The following GFPT1 variants were observed in gnomAD, a reference collection of about 807,000 sequenced individuals.
The protein encoded by GFPT1 is glutamine--fructose-6-phosphate aminotransferase [isomerizing] 1.
GFPT1 carries 40 observed loss-of-function variants against 92.0 expected under a neutral mutation model. The observed-to-expected ratio is 0.43, with a 90% confidence interval of 0.34 to 0.57. GFPT1 has a LOEUF of 0.57. Ranked by LOEUF, GFPT1 falls within the 20% of genes least tolerant of loss-of-function variation. The probability of loss-of-function intolerance (pLI) is 0.02; values close to 1 mark genes in which losing one functional copy is unlikely to be tolerated. For missense variants in GFPT1, 448 were observed against 869.1 expected, an observed-to-expected ratio of 0.52 and a Z score of 6.09; for synonymous variants, 269 against 280.6, an observed-to-expected ratio of 0.96 and a Z score of 0.41.
intron 1 of GFPT1, among the ~76,000 whole-genome samples, chr2:69,383,276 C>G (rs1252883128): frequency 6.6e-6 from 1 of 152,228 alleles, no homozygotes; most frequent in Non-Finnish European, 1.5e-5. Flanking sequence ...AGCAGAATTT[C>G]CCAAACTTGT....
At chr2:69,346,414 A>G (rs1200743658) in intron 11 of GFPT1, among the ~76,000 whole-genome samples, 2 of 151,832 alleles carry the variant, frequency 1.3e-5, no homozygotes, top group Admixed American at 1.3e-4. Context: ...AATTTTTTGT[A>G]TTTTTAGTAG....
intron 2 of GFPT1, 58 bp downstream of exon 2, chr2:69,373,948 T>C: frequency 2.4e-6 from 2 of 836,646 alleles, no homozygotes; most frequent in Non-Finnish European, 2.1e-6. Flanking sequence ...CTAATAACAA[T>C]AAAAATAGTA....
At chr2:69,356,711 C>G (rs772708910) in intron 6 of GFPT1, among the ~76,000 whole-genome samples, 154 bp from the exon 7 acceptor site, 5 of 151,332 alleles carry the variant, frequency 3.3e-5, no homozygotes, top group Non-Finnish European at 5.9e-5. Context: ...TAAACACTTA[C>G]TCCTAAGCTT....
rs58791355 is a variant in GFPT1, at chr2:69,358,154, G to C, written c.543+175C>G. Among the ~76,000 whole-genome samples the C allele has an allele frequency of 6.1e-3, 919 of 149,904 alleles. 11 individuals carry two copies. Among genetic ancestry groups the C allele is most frequent in the African/African-American group, 0.02 (822 of 41,292 alleles). ...GTAAGTAGAATTTTAAATGGAGGGT[G>C]GGGGGGAATCAATAAATCAATCAGT... On this transcript the variant is annotated intron_variant, in intron 6 of 19. Coordinates refer to ENST00000357308, the MANE Select transcript of GFPT1 (RefSeq NM_001244710.2).
chr2:69,326,898 G>A lies in GFPT1; in HGVS notation c.2055+16C>T. 6.2e-7 allele frequency: 1 copy of A among 1,613,228 alleles called. No homozygotes were observed. The stretch of plus-strand genomic sequence containing the variant: ...AAAAAACCATCCCAAGATTTCTGCA[G>A]TGGTAGATGACTTACATCATAGCCT... On this transcript the variant is annotated intron_variant, in intron 19 of 19. Coordinates refer to ENST00000357308, the MANE Select transcript of GFPT1 (RefSeq NM_001244710.2).
rs1670858178 is a variant in GFPT1 at position 69,338,523 on chromosome 2, C to T, written c.1246G>A (p.Val416Met). The T allele has an allele frequency of 6.2e-7, 1 of 1,613,218 alleles. No homozygotes were observed. The highest frequency in any genetic ancestry group is 8.5e-7 in the Non-Finnish European group (1 of 1,179,192). ...LEELTELPVM[V>M]ELASDFLDRN... ...TCCAGGAAGTCACTTGCTAGTTCCA[C>T]CATCACAGGCAACTCAGTCAGCTCC... The change falls in exon 14 of 20, where the codon GTG becomes ATG. Residue 416 changes from valine to methionine, a missense_variant. Around this residue, in one of 7 missense-constraint regions of GFPT1, gnomAD observed 121 missense variants for 304.3 expected, o/e 0.40. Transcript: ENST00000357308.
In GFPT1 at chr2:69,374,370, G is replaced by A. The variant is rs10203394; in HGVS notation, c.8-257C>T. Among the ~76,000 whole-genome samples, 57,714 of 150,598 alleles carry A rather than the reference G, an allele frequency of 0.38. 11,349 individuals carry two copies. The highest frequency in any genetic ancestry group is 0.44 in the Middle Eastern group (130 of 294). On this transcript the variant is annotated intron_variant, in intron 1 of 19. Transcript: ENST00000357308. Reference sequence around the variant, plus strand: ...ACTCTGTCACGCAGGATGGAGTCCAGCAGCACGATCTCGGCTCACGGCAAG... The same window carrying A: ...ACTCTGTCACGCAGGATGGAGTCCAACAGCACGATCTCGGCTCACGGCAAG...
chr2:69,371,521 A>C (rs1269005354), intron 2 of GFPT1: 2 of 152,080 alleles, frequency 1.3e-5, no homozygotes, highest in Non-Finnish European at 1.5e-5. Context: ...ACATACTCTC[A>C]CACAAAAAAA....
At chr2:69,386,410 G>A (rs1293138665) in intron 1 of GFPT1, among the ~76,000 whole-genome samples, 3 of 152,302 alleles carry the variant, frequency 2.0e-5, no homozygotes, top group Middle Eastern at 3.4e-3. Context: ...TTTTTAATGG[G>A]TGCACACGCA....
chr2:69,355,575 G>A lies in GFPT1; in HGVS notation c.605+921C>T, dbSNP rs373349655. Among the ~76,000 whole-genome samples the A allele has an allele frequency of 1.2e-3, 186 of 152,076 alleles. 2 individuals are homozygous for A. In the South Asian group the frequency reaches 0.028, roughly 23 times the overall value. On this transcript the variant is annotated intron_variant, in intron 7 of 19. Transcript: ENST00000357308. ...AGAAAGCCTAAAATAGTTACTATCC[G>A]GCCCACTCCAGAAAACTTGCCAACA...
rs1671225757 is a variant in GFPT1, at chr2:69,352,297, TAA to T, written c.739+1960_739+1961del. ...ACAAAAAAGTGAATTTAAAAACACA[TAA>T]AAAGAGAGCTCAGCATTTTAAAAAA... On this transcript the variant is annotated intron_variant, in intron 9 of 19. Coordinates refer to ENST00000357308, the MANE Select transcript of GFPT1 (RefSeq NM_001244710.2). 1.3e-5 allele frequency among the ~76,000 whole-genome samples: 2 copies of T among 149,434 alleles called. 1 individual carries two copies. Among genetic ancestry groups the T allele is most frequent in the South Asian group, 4.2e-4 (2 of 4,746 alleles).
At chr2:69,352,090 C>T (rs1416942482) in intron 9 of GFPT1, among the ~76,000 whole-genome samples, 15 of 150,886 alleles carry the variant, frequency 9.9e-5, no homozygotes, top group Non-Finnish European at 1.9e-4. Flanking sequence ...GGTGAAACCT[C>T]GTCTCTACTA....
chr2:69,330,262 A>G (rs2104601780), intron 15 of GFPT1, among the ~76,000 whole-genome samples: 1 of 152,304 alleles, frequency 6.6e-6, no homozygotes, highest in Non-Finnish European at 1.5e-5. Flanking sequence ...TGGGAAATCT[A>G]TCACTATTCT....
chr2:69,338,577 A>G lies in GFPT1; in HGVS notation c.1204-12T>C. 1 of 1,613,858 alleles carries G rather than the reference A, an allele frequency of 6.2e-7. No individual in the cohort carries two copies. Among genetic ancestry groups the G allele is most frequent in the Non-Finnish European group, 8.5e-7 (1 of 1,179,728 alleles). ...AGAACTTGACGTGTCTGCAGAGAAA[A>G]TATGACTTGGTCACAGAACTTTCCT... On this transcript the variant is annotated splice_polypyrimidine_tract_variant and intron_variant, in intron 13 of 19. Transcript: ENST00000357308.
At chr2:69,347,850 T>A (rs1168425685) in intron 11 of GFPT1, among the ~76,000 whole-genome samples, 1 of 152,142 alleles carries the variant, frequency 6.6e-6, no homozygotes, top group Non-Finnish European at 1.5e-5. Context: ...ATGTTATATA[T>A]AAGAAAACTA....
At chr2:69,386,236 G>A (rs1558792375) in intron 1 of GFPT1, among the ~76,000 whole-genome samples, 1 of 152,066 alleles carries the variant, frequency 6.6e-6, no homozygotes, top group Non-Finnish European at 1.5e-5. Flanking sequence ...GGAATAAAAG[G>A]GCCTAACCTT....
intron 15 of GFPT1, among the ~76,000 whole-genome samples, chr2:69,332,800 G>A (rs544741169): frequency 1.1e-4 from 17 of 152,092 alleles, no homozygotes; most frequent in East Asian, 3.9e-4. Flanking sequence ...GTGTGCGCGC[G>A]CGGATTATAT....
chr2:69,331,501 T>C (rs1487774280), intron 15 of GFPT1, among the ~76,000 whole-genome samples: 1 of 152,202 alleles, frequency 6.6e-6, no homozygotes, highest in Admixed American at 6.5e-5. Flanking sequence ...GTACCATTAA[T>C]GTAATACCTT....
intron 1 of GFPT1, among the ~76,000 whole-genome samples, chr2:69,380,387 C>T (rs1671980435): frequency 6.6e-6 from 1 of 152,040 alleles, no homozygotes; most frequent in Non-Finnish European, 1.5e-5. Flanking sequence ...ATCACACATA[C>T]AAAAATAACA....
Sources: gnomAD v4.1 joint callset for allele counts (sites outside exome capture counted in the v4.1 genomes callset) on GRCh38, gnomAD v4.1.1 for gene constraint, gnomAD v4.1.1 regional missense constraint, MANE v1.5 for transcripts, NCBI Gene and HGNC (gene_info 2026-07-23, HGNC 2026-07-21) for gene names.